SKIC3: variants seen among roughly 807,000 people sequenced by gnomAD.
SKIC3 encodes SKI3 subunit of superkiller complex, also known as superkiller complex protein 3.
chr5:95,517,953 AT>A, the SKIC3 span, among the ~76,000 whole-genome samples: 2,241 of 151,876 alleles, frequency 0.015, 50 homozygotes, highest in African/African-American at 0.051. Flanking sequence ...GTTCAGTCCC[AT>A]TTTTTTTCTC....
chr5:95,523,504 A>G, the SKIC3 span: 2 of 1,183,630 alleles, frequency 1.7e-6, no homozygotes, highest in East Asian at 2.6e-5. Context: ...CTGCCAATGG[A>G]AAAAAACTTC....
At chr5:95,529,089 G>C in the SKIC3 span, 1 of 1,613,576 alleles carries the variant, frequency 6.2e-7, no homozygotes, top group Non-Finnish European at 8.5e-7. Context: ...TGCAGACAGG[G>C]CTTTCCTTTA....
the SKIC3 span, among the ~76,000 whole-genome samples, chr5:95,482,256 A>G: frequency 6.6e-6 from 1 of 152,196 alleles, no homozygotes; most frequent in Non-Finnish European, 1.5e-5. Flanking sequence ...TTTAGAATCA[A>G]TAACTTAAAA....
At chr5:95,530,253 T>C in the SKIC3 span, 1 of 1,611,718 alleles carries the variant, frequency 6.2e-7, no homozygotes, top group Non-Finnish European at 8.5e-7. Context: ...GAAAGGTTAT[T>C]AGTATACATA....
the SKIC3 span, chr5:95,517,179 A>G: frequency 6.2e-7 from 1 of 1,613,328 alleles, no homozygotes. Context: ...ATTTTTCTTT[A>G]ATACTTGTTT....
At chr5:95,519,507 C>T in the SKIC3 span, among the ~76,000 whole-genome samples, 4 of 151,784 alleles carry the variant, frequency 2.6e-5, no homozygotes, top group African/African-American at 9.7e-5. Context: ...TTTGGAGTTC[C>T]TTTGCCTAAA....
chr5:95,478,519 T>G, the SKIC3 span: 13 of 1,580,202 alleles, frequency 8.2e-6, no homozygotes, highest in Non-Finnish European at 1.0e-5. Context: ...TCCAACAAAT[T>G]CAATAAACTT....
chr5:95,512,774 T>C, the SKIC3 span: 5 of 776,628 alleles, frequency 6.4e-6, no homozygotes, highest in Admixed American at 9.9e-5. Flanking sequence ...AGGGTCACTA[T>C]GATAAAACAC....
the SKIC3 span, chr5:95,523,602 T>C: frequency 1.3e-6 from 2 of 1,575,364 alleles, no homozygotes; most frequent in Non-Finnish European, 1.7e-6. Context: ...AATATTTTCA[T>C]TTATATACTC....
At chr5:95,482,405 G>A in the SKIC3 span, 1 of 1,488,716 alleles carries the variant, frequency 6.7e-7, no homozygotes, top group Non-Finnish European at 9.3e-7. Flanking sequence ...ATGGAGCATA[G>A]CCCTGACATT....
chr5:95,512,676 T>C, the SKIC3 span: 23 of 1,595,554 alleles, frequency 1.4e-5, no homozygotes, highest in South Asian at 2.4e-4. Flanking sequence ...ATAAAAATTA[T>C]AATAAGAAGT....
At chr5:95,516,556 C>T in the SKIC3 span, 18 of 1,613,262 alleles carry the variant, frequency 1.1e-5, no homozygotes, top group Non-Finnish European at 1.4e-5. Flanking sequence ...TTTGATGAAA[C>T]AGTGCTGAGC....
chr5:95,484,930 G>A, the SKIC3 span: 1,179 of 1,444,376 alleles, frequency 8.2e-4, 18 homozygotes, highest in South Asian at 8.2e-3. Flanking sequence ...AAAAATTACC[G>A]TTGGGCTTAT....
the SKIC3 span, chr5:95,537,092 C>T: frequency 6.2e-7 from 1 of 1,613,626 alleles, no homozygotes. Context: ...GTGATCTTCA[C>T]TAGGAATCTT....
At chr5:95,464,375 GT>G in the SKIC3 span, 1 of 473,116 alleles carries the variant, frequency 2.1e-6, no homozygotes, top group Non-Finnish European at 3.8e-6. Context: ...GGCAATAATG[GT>G]TTTCCTTTCA....
chr5:95,532,965 GA>G, the SKIC3 span, among the ~76,000 whole-genome samples: 1 of 152,008 alleles, frequency 6.6e-6, no homozygotes, highest in African/African-American at 2.4e-5. Context: ...AACTTAGCTT[GA>G]GGGGGGAAAA....
chr5:95,477,920 T>C, the SKIC3 span, among the ~76,000 whole-genome samples: 1 of 152,164 alleles, frequency 6.6e-6, no homozygotes, highest in Non-Finnish European at 1.5e-5. Flanking sequence ...AAATCCCTCT[T>C]AGAGAATGTT....
At chr5:95,554,038 T>A in the SKIC3 span, among the ~76,000 whole-genome samples, 6,163 of 152,282 alleles carry the variant, frequency 0.04, 190 homozygotes, top group East Asian at 0.11. Flanking sequence ...TCATTTAACC[T>A]CTCTAAGCCT....
At chr5:95,543,099 CTTAGT>C in the SKIC3 span, 3 of 1,496,412 alleles carry the variant, frequency 2.0e-6, no homozygotes, top group South Asian at 1.2e-5. Flanking sequence ...GGTTTAAATG[CTTAGT>C]TTAATGTTGA....
Sources: gnomAD v4.1 joint callset for allele counts (sites outside exome capture counted in the v4.1 genomes callset) on GRCh38, gnomAD v4.1.1 for gene constraint, MANE v1.5 for transcripts, NCBI Gene and HGNC (gene_info 2026-07-23, HGNC 2026-07-21) for gene names.